Variants in KDM5A observed in about 807,000 individuals in gnomAD.
KDM5A encodes the protein lysine-specific demethylase 5A.
KDM5A carries 42 observed loss-of-function variants against 193.5 expected under a neutral mutation model. That is an observed-to-expected ratio of 0.22 (90% confidence interval 0.17 to 0.28). The LOEUF (loss-of-function observed/expected upper bound fraction) is 0.28. Ranked by LOEUF, KDM5A falls within the 10% of genes least tolerant of loss-of-function variation. The probability of loss-of-function intolerance (pLI) is 1.00; values close to 1 mark genes in which losing one functional copy is unlikely to be tolerated. For synonymous variants in KDM5A, 796 were observed against 718.1 expected, an observed-to-expected ratio of 1.11 and a Z score of -1.73; for missense variants, 1,692 against 2,055.1, an observed-to-expected ratio of 0.82 and a Z score of 3.42.
intron 3 of KDM5A, among the ~76,000 whole-genome samples, chr12:379,453 T>C (rs1043051319): frequency 3.5e-5 from 4 of 114,220 alleles, no homozygotes; most frequent in African/African-American, 1.5e-4. Context: ...ATCTGCGTGA[T>C]GGCTACAAAA....
intron 18 of KDM5A, among the ~76,000 whole-genome samples, chr12:319,017 C>T (rs529482477): frequency 1.3e-4 from 20 of 152,214 alleles, no homozygotes; most frequent in African/African-American, 4.8e-4. Flanking sequence ...TAATTGCAAA[C>T]GCTTTTAAAG....
At chr12:337,492 C>A (rs372577129) in intron 10 of KDM5A, among the ~76,000 whole-genome samples, 2 of 151,832 alleles carry the variant, frequency 1.3e-5, no homozygotes, top group African/African-American at 2.4e-5. Context: ...AAGAGTCATA[C>A]GCAAAAACAC....
chr12:313,309 C>A, intron 19 of KDM5A, 115 bp from the exon 20 acceptor site: 1 of 1,221,438 alleles, frequency 8.2e-7, no homozygotes, highest in African/African-American at 1.5e-5. Context: ...TACCACAATC[C>A]TATAAGGGAG....
At chr12:349,330 CTT>C (rs749540223) in intron 10 of KDM5A, among the ~76,000 whole-genome samples, 6 of 117,674 alleles carry the variant, frequency 5.1e-5, no homozygotes, top group Admixed American at 9.0e-5. Flanking sequence ...ATCTTCTAGA[CTT>C]TTTTTTTTTT....
chr12:340,768 T>C (rs970961851), intron 10 of KDM5A, among the ~76,000 whole-genome samples: 15 of 150,432 alleles, frequency 1.0e-4, no homozygotes, highest in African/African-American at 3.4e-4. Context: ...TAATGAATAT[T>C]TGTTATTCAG....
intron 2 of KDM5A, among the ~76,000 whole-genome samples, chr12:385,023 C>A (rs1431420307): frequency 6.6e-6 from 1 of 151,976 alleles, no homozygotes; most frequent in East Asian, 1.9e-4. Flanking sequence ...AACTCCGTCT[C>A]TACTAAAAAT....
intron 10 of KDM5A, among the ~76,000 whole-genome samples, chr12:345,466 T>G (rs1944059631): frequency 6.6e-6 from 1 of 152,186 alleles, no homozygotes; most frequent in Non-Finnish European, 1.5e-5. Context: ...AGAATATACA[T>G]TCTGCTCAGC....
chr12:324,276 C>T (rs1051593847), intron 14 of KDM5A, among the ~76,000 whole-genome samples: 3 of 151,750 alleles, frequency 2.0e-5, no homozygotes, highest in Admixed American at 6.6e-5. Context: ...CAACCCCAGC[C>T]GACATAGCAA....
chr12:281,713 CT>C lies in KDM5A; in HGVS notation c.*3742del. The C allele has an allele frequency of 4.3e-6, 1 of 235,008 alleles. No individual in the cohort carries two copies. The highest frequency in any genetic ancestry group is 8.4e-6 in the Non-Finnish European group (1 of 119,136). The allele number at this position is 235,008 out of a possible 1,614,324, so 14.6% of individuals were successfully genotyped here. ...TTTCAAATCCCATGCCAAACTGTCA[CT>C]TTTTCCCTTAAAAAGTGGATAAACC... On this transcript the variant is annotated 3_prime_UTR_variant, in exon 28 of 28. Coordinates refer to ENST00000399788, the MANE Select transcript of KDM5A (RefSeq NM_001042603.3).
chr12:343,927 CAGAA>C (rs1253786859), intron 10 of KDM5A, among the ~76,000 whole-genome samples: 1 of 152,180 alleles, frequency 6.6e-6, no homozygotes, highest in Non-Finnish European at 1.5e-5. Flanking sequence ...GATGAGTTGA[CAGAA>C]GTAGGGTTCA....
rs781515744 is a variant in KDM5A at position 322,373 on chromosome 12, A to AG, written c.2426+43dup. 9.4e-6 allele frequency: 15 copies of AG among 1,597,440 alleles called. No homozygotes were observed. The African/African-American group carries it at 2.0e-4, about 21-fold the overall frequency. On this transcript the variant is annotated intron_variant, in intron 17 of 27. Transcript: ENST00000399788. ...ATAAAATTTTGGTTTTTACTCTGAA[A>AG]GAAACAGGAAAACACTGGAGAATTA...
chr12:335,805 G>A (rs527790568), intron 10 of KDM5A, among the ~76,000 whole-genome samples: 7 of 152,110 alleles, frequency 4.6e-5, no homozygotes, highest in African/African-American at 1.4e-4. Flanking sequence ...ACTTTGGGAG[G>A]GTGAGGTGGG....
Position 335,227 on chromosome 12 carries a change from G to A in KDM5A, c.1309-805C>T, listed in dbSNP as rs575082705. ...AAGCTGTTGCAAGAGTTTTCACAGG[G>A]GCTTCTACTTGGATATTGGCACCGG... On this transcript the variant is annotated intron_variant, in intron 10 of 27. Coordinates refer to ENST00000399788, the MANE Select transcript of KDM5A (RefSeq NM_001042603.3). Among the ~76,000 whole-genome samples the A allele has an allele frequency of 5.3e-5, 8 of 152,288 alleles. No individual in the cohort carries two copies. The South Asian group carries it at 8.3e-4, about 16-fold the overall frequency.
At chr12:377,458 T>A (rs1292256729) in intron 3 of KDM5A, among the ~76,000 whole-genome samples, 1 of 151,822 alleles carries the variant, frequency 6.6e-6, no homozygotes, top group African/African-American at 2.4e-5. Context: ...TTCAAAGCCC[T>A]GGGAATAAAG....
At chr12:285,735 C>T (rs1943212580) in intron 27 of KDM5A, 73 bp from the exon 28 acceptor site, 13 of 1,334,990 alleles carry the variant, frequency 9.7e-6, no homozygotes, top group Non-Finnish European at 1.4e-5. Flanking sequence ...AACCAAAGAG[C>T]TTTCTTGGCT....
At chr12:303,463 G>A (rs1487082255) in intron 24 of KDM5A, among the ~76,000 whole-genome samples, 4 of 152,182 alleles carry the variant, frequency 2.6e-5, no homozygotes, top group Admixed American at 6.5e-5. Flanking sequence ...GTTGAACAAC[G>A]AGAACATATG....
Position 307,625 on chromosome 12 carries a change from A to G in KDM5A, c.3759T>C (p.Ala1253=), listed in dbSNP as rs763712591. 4.3e-6 allele frequency: 7 copies of G among 1,614,206 alleles called. No individual in the cohort carries two copies. Among genetic ancestry groups the G allele is most frequent in the Non-Finnish European group, 5.9e-6 (7 of 1,180,042 alleles). The change falls in exon 23 of 28, where the codon GCT becomes GCC. Residue 1253 remains alanine (A), a synonymous_variant. Coordinates refer to ENST00000399788, the MANE Select transcript of KDM5A (RefSeq NM_001042603.3). This position sits in a 1 kb window ranked among gnomAD's most constrained non-coding sequence, Gnocchi z 4.3. Reference sequence around the variant, plus strand: ...GCCGCGCTCTATCTTGCCAACTCATAGCACGTTCTGTCAAACACTGCAGGG... The same window carrying G: ...GCCGCGCTCTATCTTGCCAACTCATGGCACGTTCTGTCAAACACTGCAGGG... ...GEALQCLTER[A]MSWQDRARQA...
Position 322,428 on chromosome 12 carries a change from C to T in KDM5A, c.2415G>A (p.Lys805=). The T allele has an allele frequency of 1.2e-6, 2 of 1,612,466 alleles. No individual in the cohort carries two copies. Among genetic ancestry groups the T allele is most frequent in the Non-Finnish European group, 1.7e-6 (2 of 1,179,932 alleles). Residue 805 remains lysine (K), a synonymous_variant, in exon 17 of 28, where the codon AAG becomes AAA. Transcript: ENST00000399788. ...CTTCTTAGGTTTACCTGTGTTTCTG[C>T]TTTTTGCTCAGAAGCAGCTGAGCCA... ...ASVAQLLLSK[K]QKHRQSPDSG... is the part of the protein sequence containing the mutation.
At position 323,593 on chromosome 12, in the gene KDM5A, T is replaced by C. The variant is rs74055635; in HGVS notation, c.2150+7A>G. ...TAATGGAAGTTTTACAAAATACTTT[T>C]GGATACCTAAGACATTTCTTCTGCA... is the stretch of plus-strand genomic sequence containing the variant. On this transcript the variant is annotated splice_region_variant and intron_variant, in intron 15 of 27. Coordinates refer to ENST00000399788, the MANE Select transcript of KDM5A (RefSeq NM_001042603.3). 6,395 of 1,613,358 alleles carry C rather than the reference T, an allele frequency of 4.0e-3. 203 individuals carry two copies. The African/African-American group carries it at 0.075, about 19-fold the overall frequency.
Sources: gnomAD v4.1 joint callset for allele counts (sites outside exome capture counted in the v4.1 genomes callset) on GRCh38, gnomAD v4.1.1 for gene constraint, Gnocchi (gnomAD v3.1) non-coding constraint, MANE v1.5 for transcripts, NCBI Gene and HGNC (gene_info 2026-07-23, HGNC 2026-07-21) for gene names.